HPSE2: variants seen among roughly 807,000 people sequenced by gnomAD.
HPSE2 encodes heparanase 2 (inactive).
A neutral mutation model predicts 60.5 loss-of-function variants in HPSE2; 38 were observed. That is an observed-to-expected ratio of 0.63 (90% CI 0.48 to 0.82). HPSE2 has a LOEUF of 0.82. Among genes scored for constraint, HPSE2 ranks in the 40% least tolerant of loss-of-function variants. HPSE2 has a pLI of 0.00. For synonymous variants in HPSE2, 295 were observed against 293.2 expected, an observed-to-expected ratio of 1.01 and a Z score of -0.06; for missense variants, 713 against 740.4, an observed-to-expected ratio of 0.96 and a Z score of 0.43.
intron 8 of HPSE2, among the ~76,000 whole-genome samples, chr10:98,618,966 T>C (rs1327817442): frequency 1.3e-5 from 2 of 152,158 alleles, no homozygotes; most frequent in South Asian, 2.1e-4. Flanking sequence ...CTTGCTGACA[T>C]TGTCTGTGCT....
intron 2 of HPSE2, among the ~76,000 whole-genome samples, chr10:99,178,382 TAAAGAAGAAAAG>T (rs1847618377): frequency 6.6e-6 from 1 of 151,520 alleles, no homozygotes; most frequent in Admixed American, 6.6e-5. Context: ...GCCAGACTAA[TAAAGAAGAAAAG>T]AGAGAAGAAT....
At chr10:98,579,582 C>T (rs1406068198) in intron 9 of HPSE2, among the ~76,000 whole-genome samples, 2 of 152,190 alleles carry the variant, frequency 1.3e-5, no homozygotes, top group Admixed American at 6.5e-5. Context: ...TCCACCACTT[C>T]TCCCCCCTTC....
At chr10:99,172,314 G>A (rs554925308) in intron 2 of HPSE2, among the ~76,000 whole-genome samples, 2 of 152,298 alleles carry the variant, frequency 1.3e-5, no homozygotes, top group South Asian at 4.1e-4. Flanking sequence ...AATTCCTCAT[G>A]TGGATGGCTT....
intron 3 of HPSE2, among the ~76,000 whole-genome samples, chr10:98,984,003 A>G (rs1564711176): frequency 6.6e-6 from 1 of 152,216 alleles, no homozygotes. Flanking sequence ...GGAAGCTGGA[A>G]CTGGGTGGAG....
At chr10:99,237,274 C>CTGGAA (rs1233964609), upstream of HPSE2, among the ~76,000 whole-genome samples, 3 of 152,252 alleles carry the variant, frequency 2.0e-5, no homozygotes, top group Admixed American at 2.0e-4. Context: ...AACGCAGAAG[C>CTGGAA]GTCCAGGGCC....
intron 3 of HPSE2, among the ~76,000 whole-genome samples, chr10:98,830,713 G>T (rs992400343): frequency 3.9e-5 from 6 of 152,240 alleles, no homozygotes; most frequent in Admixed American, 3.9e-4. Flanking sequence ...TTGTTAGTAG[G>T]AAAAAGACTT....
intron 3 of HPSE2, among the ~76,000 whole-genome samples, chr10:98,825,713 G>T (rs1034348807): frequency 2.6e-5 from 4 of 152,114 alleles, no homozygotes; most frequent in Admixed American, 6.5e-5. Flanking sequence ...TCAAGCATGG[G>T]CATGTGACAC....
chr10:98,842,294 C>A (rs1206994865), intron 3 of HPSE2, among the ~76,000 whole-genome samples: 1 of 152,106 alleles, frequency 6.6e-6, no homozygotes, highest in African/African-American at 2.4e-5. Flanking sequence ...TCAGAAGATA[C>A]TATCTTTTTA....
intron 3 of HPSE2, among the ~76,000 whole-genome samples, chr10:98,995,715 A>G (rs1260677557): frequency 6.6e-6 from 1 of 152,224 alleles, no homozygotes; most frequent in African/African-American, 2.4e-5. Context: ...ACAAAATTAT[A>G]TCCAGAACAA....
intron 5 of HPSE2, among the ~76,000 whole-genome samples, chr10:98,715,213 T>C (rs559506855): frequency 6.6e-6 from 1 of 152,108 alleles, no homozygotes; most frequent in African/African-American, 2.4e-5. Context: ...ATCATTGATA[T>C]ATTTTATCAC....
chr10:98,711,910 A>G (rs965891684), intron 5 of HPSE2, among the ~76,000 whole-genome samples: 1 of 152,110 alleles, frequency 6.6e-6, no homozygotes, highest in Non-Finnish European at 1.5e-5. Flanking sequence ...AGGAGGTCTG[A>G]GCTGGAGCCT....
chr10:99,091,142 T>A (rs986718107), intron 3 of HPSE2, among the ~76,000 whole-genome samples: 1 of 152,172 alleles, frequency 6.6e-6, no homozygotes, highest in African/African-American at 2.4e-5. Flanking sequence ...TTTCTACCTA[T>A]GACAAAAATA....
intron 3 of HPSE2, among the ~76,000 whole-genome samples, chr10:99,087,931 C>T (rs1217074640): frequency 6.6e-6 from 1 of 151,626 alleles, no homozygotes; most frequent in East Asian, 1.9e-4. Context: ...GCTATCCATC[C>T]ATTCCCTTCC....
rs142284208 is a variant in HPSE2 at position 99,105,475 on chromosome 10, G to T, written c.610+38763C>A. On this transcript the variant is annotated intron_variant, in intron 3 of 11. Coordinates refer to ENST00000370552, the MANE Select transcript of HPSE2 (RefSeq NM_021828.5). ...GTGTTTTCTGTCTCTTTTTAATTGG[G>T]TTTTTTTTTATAATCGAGTTGTAAG... Among the ~76,000 whole-genome samples the T allele has an allele frequency of 4.1e-3, 587 of 142,412 alleles. 5 individuals are homozygous for T. The highest frequency in any genetic ancestry group is 0.014 in the African/African-American group (550 of 38,792). The allele number at this position is 142,412 out of a possible 152,430, so 93.4% of individuals were successfully genotyped here. A position where few individuals can be genotyped will look rare whatever the true frequency, so the allele number is the denominator to read the frequency against.
At chr10:99,233,655 G>A (rs991076740) in intron 1 of HPSE2, among the ~76,000 whole-genome samples, 2 of 152,176 alleles carry the variant, frequency 1.3e-5, no homozygotes, top group Non-Finnish European at 2.9e-5. Flanking sequence ...TCATAAAGGA[G>A]GTGGATACGA....
intron 3 of HPSE2, among the ~76,000 whole-genome samples, chr10:98,745,245 G>A (rs1949601433): frequency 6.6e-6 from 1 of 152,062 alleles, no homozygotes; most frequent in Non-Finnish European, 1.5e-5. Flanking sequence ...TTCATTATCA[G>A]GTTGATACCA....
chr10:99,030,282 C>T (rs1957471433), intron 3 of HPSE2, among the ~76,000 whole-genome samples: 1 of 152,052 alleles, frequency 6.6e-6, no homozygotes, highest in Non-Finnish European at 1.5e-5. Flanking sequence ...GGTCTCTTGC[C>T]TCGGCACCTG....
chr10:99,190,778 G>T (rs1437238378), intron 2 of HPSE2, among the ~76,000 whole-genome samples: 1 of 152,184 alleles, frequency 6.6e-6, no homozygotes, highest in Non-Finnish European at 1.5e-5. Context: ...ATCAGCTTGG[G>T]TACCAGCTCA....
chr10:98,830,651 T>C lies in HPSE2; in HGVS notation c.611-86595A>G, dbSNP rs539498628. Among the ~76,000 whole-genome samples, 24 of 152,328 alleles carry C rather than the reference T, an allele frequency of 1.6e-4. No individual in the cohort carries two copies. The South Asian group carries it at 5.0e-3, about 32-fold the overall frequency. Reference sequence around the variant, plus strand: ...CTTACTAACAAGACTCCCAACATTATGAAAATTTTAGCTTTGCTTTAACCA... The same window carrying C: ...CTTACTAACAAGACTCCCAACATTACGAAAATTTTAGCTTTGCTTTAACCA... On this transcript the variant is annotated intron_variant, in intron 3 of 11. Coordinates refer to ENST00000370552, the MANE Select transcript of HPSE2 (RefSeq NM_021828.5).
Sources: gnomAD v4.1 joint callset for allele counts (sites outside exome capture counted in the v4.1 genomes callset) on GRCh38, gnomAD v4.1.1 for gene constraint, MANE v1.5 for transcripts, NCBI Gene and HGNC (gene_info 2026-07-23, HGNC 2026-07-21) for gene names.